The following CNTN5 variants were observed in gnomAD, a reference collection of about 807,000 sequenced individuals.
CNTN5 encodes the protein contactin-5.
In CNTN5, 77 loss-of-function variants were observed where a neutral mutation model predicts 129.1. The ratio of observed to expected loss-of-function variants is 0.60; its 90% confidence interval spans 0.50 to 0.72. CNTN5 has a LOEUF of 0.72. Ranked by LOEUF, CNTN5 falls within the 30% of genes least tolerant of loss-of-function variation. The pLI, the probability that CNTN5 is intolerant of heterozygous loss-of-function variation, is 0.00. For synonymous variants in CNTN5, 509 were observed against 465.6 expected (o/e 1.09, Z -1.20); for missense variants, 1,478 against 1,328.8 (o/e 1.11, Z -1.75).
chr11:99,556,898 G>A (rs924727853), intron 3 of CNTN5, among the ~76,000 whole-genome samples: 3 of 150,934 alleles, frequency 2.0e-5, no homozygotes, highest in African/African-American at 7.3e-5. Context: ...TATAGTATTG[G>A]TAGTAATAAT....
chr11:99,145,752 G>T (rs1452166137), intron 1 of CNTN5, among the ~76,000 whole-genome samples: 1 of 151,984 alleles, frequency 6.6e-6, no homozygotes, highest in African/African-American at 2.4e-5. Flanking sequence ...ATATTTTATA[G>T]ACCATAGAGA....
intron 2 of CNTN5, among the ~76,000 whole-genome samples, chr11:99,543,918 C>CAAAAA (rs1417154216): frequency 1.3e-4 from 3 of 23,168 alleles, no homozygotes. Flanking sequence ...GAGTCTGTCT[C>CAAAAA]AAAAAAACAA....
intron 1 of CNTN5, among the ~76,000 whole-genome samples, chr11:99,238,495 T>A (rs986280113): frequency 2.1e-4 from 32 of 152,144 alleles, no homozygotes; most frequent in Admixed American, 1.9e-3. Context: ...ATTTAAGAAA[T>A]TTTTTGAAAC....
chr11:100,230,418 A>G (rs1949464739), intron 16 of CNTN5, among the ~76,000 whole-genome samples: 1 of 152,132 alleles, frequency 6.6e-6, no homozygotes, highest in South Asian at 2.1e-4. Context: ...CTTTTCTCTT[A>G]TGCTTTTCAT....
At chr11:99,454,122 T>C (rs1051035841) in intron 2 of CNTN5, among the ~76,000 whole-genome samples, 5 of 152,072 alleles carry the variant, frequency 3.3e-5, no homozygotes, top group African/African-American at 1.2e-4. Context: ...AAGAAATGTC[T>C]GAACAATTTC....
chr11:99,439,301 T>C (rs1943721658), intron 2 of CNTN5, among the ~76,000 whole-genome samples: 1 of 103,124 alleles, frequency 9.7e-6, no homozygotes, highest in Non-Finnish European at 2.1e-5. Context: ...TGTGTGTGTG[T>C]GTGCGTGTGT....
At chr11:99,521,072 C>T (rs1947258073) in intron 2 of CNTN5, among the ~76,000 whole-genome samples, 1 of 152,150 alleles carries the variant, frequency 6.6e-6, no homozygotes, top group South Asian at 2.1e-4. Flanking sequence ...GAACCAAAAC[C>T]CAAGCCTTCC....
intron 1 of CNTN5, among the ~76,000 whole-genome samples, chr11:99,278,948 C>T (rs992766268): frequency 6.6e-6 from 1 of 151,640 alleles, no homozygotes; most frequent in Non-Finnish European, 1.5e-5. Context: ...GATTCCATTC[C>T]TAAACTTGCC....
At chr11:99,159,418 C>G (rs924948217) in intron 1 of CNTN5, among the ~76,000 whole-genome samples, 3 of 151,978 alleles carry the variant, frequency 2.0e-5, no homozygotes, top group Non-Finnish European at 4.4e-5. Flanking sequence ...GTCAGGAGAT[C>G]GAGACCATCC....
intron 2 of CNTN5, among the ~76,000 whole-genome samples, chr11:99,334,890 A>G (rs972342126): frequency 6.6e-6 from 1 of 152,144 alleles, no homozygotes; most frequent in African/African-American, 2.4e-5. Flanking sequence ...TAGTTCTAAT[A>G]CACATTGTTT....
chr11:99,679,241 T>C (rs1953445940), intron 3 of CNTN5, among the ~76,000 whole-genome samples: 1 of 149,702 alleles, frequency 6.7e-6, no homozygotes, highest in African/African-American at 2.4e-5. Context: ...AGTAAGAATA[T>C]ATGTTCCTTA....
intron 3 of CNTN5, among the ~76,000 whole-genome samples, chr11:99,668,890 A>G (rs1314372631): frequency 1.3e-5 from 2 of 152,168 alleles, no homozygotes; most frequent in Admixed American, 6.6e-5. Flanking sequence ...GAAAACACAG[A>G]CTGAAGTAAG....
At chr11:100,257,134 G>C (rs563018308) in intron 17 of CNTN5, among the ~76,000 whole-genome samples, 1 of 152,086 alleles carries the variant, frequency 6.6e-6, no homozygotes, top group Non-Finnish European at 1.5e-5. Context: ...GGATTGAGTC[G>C]GTGGTTTACC....
chr11:99,309,222 CT>C (rs10709951), intron 1 of CNTN5, among the ~76,000 whole-genome samples: 19,944 of 137,358 alleles, frequency 0.15, 1,494 homozygotes, highest in African/African-American at 0.25. Context: ...TTTGCTATTT[CT>C]TTTTTTTTTT....
chr11:99,730,678 A>AC (rs1339490934), intron 3 of CNTN5, among the ~76,000 whole-genome samples: 1 of 151,570 alleles, frequency 6.6e-6, no homozygotes, highest in Non-Finnish European at 1.5e-5. Context: ...AAATTATTTT[A>AC]CTAATACATA....
intron 3 of CNTN5, among the ~76,000 whole-genome samples, chr11:99,682,398 A>G (rs980339705): frequency 9.2e-5 from 14 of 151,978 alleles, no homozygotes; most frequent in Admixed American, 2.0e-4. Context: ...CAGTTAGTAC[A>G]ATGCTAAAAA....
intron 1 of CNTN5, among the ~76,000 whole-genome samples, chr11:99,319,791 A>G (rs1865487274): frequency 2.6e-5 from 4 of 152,184 alleles, no homozygotes. Context: ...ACTTTGAAGT[A>G]GGCCGACAGT....
chr11:99,309,596 A>G (rs986235587), intron 1 of CNTN5, among the ~76,000 whole-genome samples: 1 of 152,228 alleles, frequency 6.6e-6, no homozygotes, highest in African/African-American at 2.4e-5. Flanking sequence ...AATAGATGGG[A>G]TGCTTATCCA....
intron 9 of CNTN5, among the ~76,000 whole-genome samples, chr11:100,002,936 T>C (rs557415573): frequency 1.3e-5 from 2 of 152,070 alleles, no homozygotes; most frequent in Non-Finnish European, 2.9e-5. Context: ...ACTAATTACT[T>C]AACTTCAGTT....
Sources: gnomAD v4.1 joint callset for allele counts (sites outside exome capture counted in the v4.1 genomes callset) on GRCh38, gnomAD v4.1.1 for gene constraint, MANE v1.5 for transcripts, NCBI Gene and HGNC (gene_info 2026-07-23, HGNC 2026-07-21) for gene names.